PPIG: variants seen among roughly 807,000 people sequenced by gnomAD.
PPIG encodes the protein peptidyl-prolyl cis-trans isomerase G.
In PPIG, 26 loss-of-function variants were observed where a neutral mutation model predicts 87.9. The ratio of observed to expected loss-of-function variants is 0.30; its 90% CI spans 0.22 to 0.41. PPIG has a LOEUF of 0.41. Among genes scored for constraint, PPIG ranks in the 10% least tolerant of loss-of-function variants. The probability of loss-of-function intolerance (pLI) is 1.00; values close to 1 mark genes in which losing one functional copy is unlikely to be tolerated. For synonymous variants in PPIG, 308 were observed against 276.5 expected (o/e 1.11, Z -1.13); for missense variants, 722 against 879.4 (o/e 0.82, Z 2.26).
At chr2:169,631,632 T>G in intron 10 of PPIG, 134 bp from the exon 11 acceptor site, 1 of 1,463,934 alleles carries the variant, frequency 6.8e-7, no homozygotes, top group Non-Finnish European at 8.9e-7. Context: ...ATTTTTCCCA[T>G]GCGATCACAT....
At chr2:169,628,672 G>A (rs1384882427) in intron 9 of PPIG, among the ~76,000 whole-genome samples, 1 of 151,934 alleles carries the variant, frequency 6.6e-6, no homozygotes, top group African/African-American at 2.4e-5. Context: ...AGGCATGGTA[G>A]CCCACACCTG....
Position 169,622,088 on chromosome 2 carries a change from A to G in PPIG, c.547+7364A>G, listed in dbSNP as rs115478120. Reference sequence around the variant, plus strand: ...AATATATAAATAAATAAAGTTAAGGATGCTGCGTGGTTTATATGTTCAGAA... The same window carrying G: ...AATATATAAATAAATAAAGTTAAGGGTGCTGCGTGGTTTATATGTTCAGAA... On this transcript the variant is annotated intron_variant, in intron 9 of 13. Transcript: ENST00000260970. Among the ~76,000 whole-genome samples, 881 of 152,138 alleles carry G rather than the reference A, an allele frequency of 5.8e-3. 13 individuals carry two copies. The highest frequency in any genetic ancestry group is 0.02 in the African/African-American group (830 of 41,536).
chr2:169,623,776 G>A (rs1685813176), intron 9 of PPIG, among the ~76,000 whole-genome samples: 2 of 152,152 alleles, frequency 1.3e-5, no homozygotes, highest in Admixed American at 1.3e-4. Flanking sequence ...AAATGAAATT[G>A]TCTAAAGACC....
intron 10 of PPIG, 64 bp downstream of exon 10, chr2:169,631,051 G>T: frequency 1.1e-5 from 15 of 1,403,826 alleles, no homozygotes; most frequent in Non-Finnish European, 1.2e-5. Context: ...AATCTGTTAG[G>T]ATTTTGGGTC....
intron 12 of PPIG, among the ~76,000 whole-genome samples, chr2:169,633,820 T>C (rs1686117785): frequency 7.5e-6 from 1 of 133,490 alleles, no homozygotes; most frequent in African/African-American, 3.0e-5. Flanking sequence ...CCTTGTAATA[T>C]TCTTTCCACC....
chr2:169,594,040 C>CT (rs1684945464), intron 1 of PPIG, among the ~76,000 whole-genome samples: 1 of 151,982 alleles, frequency 6.6e-6, no homozygotes, highest in African/African-American at 2.4e-5. Flanking sequence ...GACAATTTCA[C>CT]TTTTTTGTGA....
intron 12 of PPIG, among the ~76,000 whole-genome samples, chr2:169,633,736 AC>A (rs1266940080): frequency 1.3e-5 from 2 of 151,996 alleles, no homozygotes; most frequent in Non-Finnish European, 2.9e-5. Flanking sequence ...TGAAAACAGC[AC>A]TTGATACATA....
At chr2:169,592,192 C>T (rs13383337) in intron 1 of PPIG, among the ~76,000 whole-genome samples, 4,718 of 150,322 alleles carry the variant, frequency 0.031, 267 homozygotes, top group African/African-American at 0.11. Flanking sequence ...TCCCCTGAAT[C>T]ATGTTTTTGG....
intron 9 of PPIG, among the ~76,000 whole-genome samples, chr2:169,623,643 C>G (rs1420346527): frequency 6.6e-6 from 1 of 152,146 alleles, no homozygotes; most frequent in African/African-American, 2.4e-5. Context: ...ACTAGAGATT[C>G]ATTTCTATGG....
chr2:169,611,097 AC>A (rs1459397137), intron 7 of PPIG, among the ~76,000 whole-genome samples: 1 of 152,094 alleles, frequency 6.6e-6, no homozygotes, highest in Non-Finnish European at 1.5e-5. Flanking sequence ...AATCCCAGCC[AC>A]TCGGGAGGCT....
In PPIG at chr2:169,608,761, A is replaced by G. The variant is rs772810553; in HGVS notation, c.377+3A>G. The G allele has an allele frequency of 2.0e-5, 31 of 1,582,134 alleles. No individual in the cohort carries two copies. In the Admixed American group the frequency reaches 4.4e-4, roughly 22 times the overall value. On this transcript the variant is annotated splice_donor_region_variant and intron_variant, in intron 7 of 13. Coordinates refer to ENST00000260970, the MANE Select transcript of PPIG (RefSeq NM_004792.3). Reference sequence around the variant, plus strand: ...ACAAATGGTTCACAGTTCTTCATGTAAGTATTTATTATCTGATGATTTAAA... The same window carrying G: ...ACAAATGGTTCACAGTTCTTCATGTGAGTATTTATTATCTGATGATTTAAA...
At chr2:169,618,989 C>A (rs1685674275) in intron 9 of PPIG, among the ~76,000 whole-genome samples, 1 of 152,094 alleles carries the variant, frequency 6.6e-6, no homozygotes, top group South Asian at 2.1e-4. Flanking sequence ...CATTTTAGAT[C>A]TTTCCTGCTT....
Position 169,637,691 on chromosome 2 carries a change from A to G in PPIG, c.*168A>G. ...TTGAGTTGATTTTTTGATAATCTGC[A>G]ATCTGGATAATTTGTACTGCTAAAG... On this transcript the variant is annotated 3_prime_UTR_variant, in exon 14 of 14. Coordinates refer to ENST00000260970, the MANE Select transcript of PPIG (RefSeq NM_004792.3). 1.5e-6 allele frequency: 1 copy of G among 672,056 alleles called. No individual in the cohort carries two copies. Among genetic ancestry groups the G allele is most frequent in the East Asian group, 3.0e-5 (1 of 33,708 alleles). 41.6% of individuals were successfully genotyped at this position (672,056 alleles called of 1,614,324 possible). A position where few individuals can be genotyped will look rare whatever the true frequency, so the allele number is the denominator to read the frequency against.
intron 6 of PPIG, among the ~76,000 whole-genome samples, chr2:169,607,466 C>T (rs553812444): frequency 6.6e-5 from 10 of 152,168 alleles, no homozygotes; most frequent in African/African-American, 2.4e-4. Flanking sequence ...ATATTTCTTA[C>T]AACATCCAAA....
At chr2:169,613,017 G>C (rs1454968267) in intron 7 of PPIG, among the ~76,000 whole-genome samples, 1 of 152,150 alleles carries the variant, frequency 6.6e-6, no homozygotes, top group Non-Finnish European at 1.5e-5. Flanking sequence ...GCCACACTAT[G>C]TGTATCTGTA....
At chr2:169,634,077 G>T (rs1050410854) in intron 12 of PPIG, among the ~76,000 whole-genome samples, 1 of 151,696 alleles carries the variant, frequency 6.6e-6, no homozygotes, top group Admixed American at 6.6e-5. Flanking sequence ...TGATCCACCT[G>T]CCTGAGACAG....
intron 4 of PPIG, among the ~76,000 whole-genome samples, chr2:169,605,160 C>T (rs985597176): frequency 4.6e-5 from 7 of 151,790 alleles, no homozygotes; most frequent in African/African-American, 1.7e-4. Context: ...ATAGTGAAAC[C>T]TCATCTCTAC....
chr2:169,601,713 A>T (rs1265689798), intron 1 of PPIG, among the ~76,000 whole-genome samples: 1 of 152,198 alleles, frequency 6.6e-6, no homozygotes, highest in African/African-American at 2.4e-5. Context: ...TGAGGAAAAT[A>T]TTAGAAGATG....
At chr2:169,632,073 GTTC>G in intron 11 of PPIG, 140 bp downstream of exon 11, 1 of 1,178,818 alleles carries the variant, frequency 8.5e-7, no homozygotes, top group Middle Eastern at 2.9e-4. Flanking sequence ...CTTCCGCAAA[GTTC>G]TTTTTTGCCA....
Sources: allele counts gnomAD v4.1 joint callset (sites outside exome capture counted in the v4.1 genomes callset), GRCh38; gene constraint gnomAD v4.1.1; transcripts MANE v1.5; gene names NCBI Gene and HGNC (gene_info 2026-07-23, HGNC 2026-07-21).